The following SSBP1 variants were observed in gnomAD, a reference collection of about 807,000 sequenced individuals.
SSBP1 encodes single-stranded DNA-binding protein, mitochondrial.
A neutral mutation model predicts 27.0 loss-of-function variants in SSBP1; 20 were observed. The ratio of observed to expected loss-of-function variants is 0.74; its 90% confidence interval spans 0.52 to 1.08. SSBP1 has a LOEUF of 1.08. Among genes scored for constraint, SSBP1 ranks in the 50% least tolerant of loss-of-function variants. The probability of loss-of-function intolerance (pLI) is 0.00; values close to 1 mark genes in which losing one functional copy is unlikely to be tolerated. For missense variants in SSBP1, 137 were observed against 182.4 expected (o/e 0.75, Z 1.44); for synonymous variants, 59 against 59.3 (o/e 1.00, Z 0.02).
chr7:141,745,123 A>G (rs1443212173), intron 5 of SSBP1, among the ~76,000 whole-genome samples: 1 of 152,242 alleles, frequency 6.6e-6, no homozygotes, highest in East Asian at 1.9e-4. Flanking sequence ...AATAATTGAT[A>G]AATAAGTGAA....
chr7:141,743,270 C>T (rs368880011), intron 3 of SSBP1, among the ~76,000 whole-genome samples: 26 of 152,194 alleles, frequency 1.7e-4, no homozygotes, highest in African/African-American at 5.6e-4. Context: ...ATCCAAGATT[C>T]GTGTGCCAGT....
chr7:141,738,877 C>G (rs546157663), intron 1 of SSBP1: 32 of 350,406 alleles, frequency 9.1e-5, no homozygotes, highest in Non-Finnish European at 1.6e-4. Context: ...GGGATTAACT[C>G]AGAATCAAAA....
intron 2 of SSBP1, chr7:141,740,903 T>C (rs1799502227): frequency 6.6e-6 from 1 of 152,226 alleles, no homozygotes; most frequent in Non-Finnish European, 1.5e-5. Context: ...AGATTAGTCA[T>C]ATTAGGTATC....
chr7:141,738,941 A>C, intron 1 of SSBP1, 183 bp from the exon 2 acceptor site: 1 of 439,054 alleles, frequency 2.3e-6, no homozygotes, highest in Non-Finnish European at 4.0e-6. Context: ...AAAGACATAC[A>C]GGTGTGAGTT....
chr7:141,744,103 G>A (rs552043074), intron 5 of SSBP1, 114 bp downstream of exon 5: 50 of 859,172 alleles, frequency 5.8e-5, no homozygotes, highest in Middle Eastern at 4.5e-4. Context: ...ACTAATGACT[G>A]TATTAATTTA....
At chr7:141,743,809 A>G in intron 4 of SSBP1, 93 bp from the exon 5 acceptor site, 1 of 1,544,076 alleles carries the variant, frequency 6.5e-7, no homozygotes, top group South Asian at 1.2e-5. Flanking sequence ...TCTGTCTTTC[A>G]TTCTGTTTGT....
intron 6 of SSBP1, among the ~76,000 whole-genome samples, chr7:141,749,856 C>T (rs993581104): frequency 6.6e-5 from 10 of 152,104 alleles, no homozygotes; most frequent in East Asian, 1.9e-4. Context: ...AAGTTAAAAA[C>T]GTAAGTAAAT....
chr7:141,740,551 A>T (rs899794805), intron 2 of SSBP1: 2 of 152,154 alleles, frequency 1.3e-5, no homozygotes, highest in African/African-American at 2.4e-5. Context: ...CTCAGCCCTA[A>T]ATGGGAATAA....
At chr7:141,748,843 C>A (rs1278458448) in intron 6 of SSBP1, among the ~76,000 whole-genome samples, 1 of 152,068 alleles carries the variant, frequency 6.6e-6, no homozygotes, top group Non-Finnish European at 1.5e-5. Context: ...AAAAAACCAC[C>A]ACCAGTGGAT....
At chr7:141,746,052 A>C in intron 6 of SSBP1, 3 of 868,966 alleles carry the variant, frequency 3.5e-6, no homozygotes, top group Non-Finnish European at 4.1e-6. Context: ...CCAGAATCTC[A>C]CTCTGTCACC....
chr7:141,740,351 CTA>C (rs1218641949), intron 2 of SSBP1: 1 of 152,208 alleles, frequency 6.6e-6, no homozygotes, highest in African/African-American at 2.4e-5. Context: ...GATAGAATGG[CTA>C]GCTCTCTGAG....
intron 5 of SSBP1, among the ~76,000 whole-genome samples, chr7:141,744,312 G>T (rs1799683533): frequency 6.6e-6 from 1 of 152,228 alleles, no homozygotes; most frequent in Admixed American, 6.5e-5. Flanking sequence ...TCAAACATCT[G>T]CTTTGAGGAA....
chr7:141,748,279 A>G (rs1212575453), intron 6 of SSBP1, among the ~76,000 whole-genome samples: 1 of 152,136 alleles, frequency 6.6e-6, no homozygotes, highest in Non-Finnish European at 1.5e-5. Context: ...ATATTAATAA[A>G]TTACTGTTAA....
intron 6 of SSBP1, chr7:141,745,968 C>T (rs548736526): frequency 4.3e-5 from 43 of 1,000,720 alleles, no homozygotes; most frequent in South Asian, 9.3e-5. Flanking sequence ...CAGATTTATT[C>T]GGAACCTCTT....
At chr7:141,743,104 T>C (rs62486739) in intron 3 of SSBP1, among the ~76,000 whole-genome samples, 3,315 of 152,296 alleles carry the variant, frequency 0.022, 50 homozygotes, top group Non-Finnish European at 0.035. Flanking sequence ...CCGCCCGCCT[T>C]GGCCTCCCAA....
intron 6 of SSBP1, among the ~76,000 whole-genome samples, chr7:141,748,112 T>C (rs1799850584): frequency 6.6e-6 from 1 of 151,754 alleles, no homozygotes; most frequent in Non-Finnish European, 1.5e-5. Context: ...TGTCAGCTGA[T>C]GGACAGTGTT....
At chr7:141,739,094 T>A in intron 1 of SSBP1, 30 bp from the exon 2 acceptor site, 1 of 1,392,680 alleles carries the variant, frequency 7.2e-7, no homozygotes, top group Non-Finnish European at 9.8e-7. Flanking sequence ...AGAGGTAATG[T>A]TTTTTTCTTA....
intron 2 of SSBP1, chr7:141,739,431 G>A (rs1799428072): frequency 2.7e-6 from 1 of 373,550 alleles, no homozygotes; most frequent in Admixed American, 4.6e-5. Flanking sequence ...AAATGTGTGT[G>A]TGTTGCTTGA....
At chr7:141,745,406 T>A in intron 5 of SSBP1, 90 bp from the exon 6 acceptor site, 1 of 1,080,576 alleles carries the variant, frequency 9.3e-7, no homozygotes. Flanking sequence ...ATATATTTCA[T>A]CCTTGTCATA....
Sources: gnomAD v4.1 joint callset for allele counts (sites outside exome capture counted in the v4.1 genomes callset) on GRCh38, gnomAD v4.1.1 for gene constraint, MANE v1.5 for transcripts, NCBI Gene and HGNC (gene_info 2026-07-23, HGNC 2026-07-21) for gene names.